Variants in MAPK8 observed in about 807,000 individuals in gnomAD.
MAPK8 encodes the protein JUN N-terminal kinase.
Under a neutral mutation model 52.9 loss-of-function variants are expected in MAPK8, and 13 were observed. The ratio of observed to expected loss-of-function variants is 0.25; its 90% CI spans 0.16 to 0.39. The LOEUF is 0.39. Ranked by LOEUF, MAPK8 falls within the 10% of genes least tolerant of loss-of-function variation. MAPK8 has a pLI of 1.00. For missense variants in MAPK8, 300 were observed against 519.2 expected (o/e 0.58, Z 4.10); for synonymous variants, 191 against 169.8 (o/e 1.12, Z -0.97).
At chr10:48,344,220 A>C (rs1482671077) in intron 1 of MAPK8, among the ~76,000 whole-genome samples, 1 of 152,246 alleles carries the variant, frequency 6.6e-6, no homozygotes, top group Non-Finnish European at 1.5e-5. Flanking sequence ...AAATTGTTAT[A>C]ATACAGTCCA....
In MAPK8 at chr10:48,438,652, T is replaced by C. The variant is rs1393995379; in HGVS notation, c.*3623T>C. 1 of 152,262 alleles carries C rather than the reference T, an allele frequency of 6.6e-6. No individual in the cohort carries two copies. The highest frequency in any genetic ancestry group is 2.4e-5 in the African/African-American group (1 of 41,478). The allele number at this position is 152,262 out of a possible 1,614,324, so 9.4% of individuals were successfully genotyped here. ...ACTACCTCACACTAATTTTCTATGCTTTCCCAAGTAAGCTGTTGCCCTGTT... is the reference window on the plus strand; with the variant it reads ...ACTACCTCACACTAATTTTCTATGCCTTCCCAAGTAAGCTGTTGCCCTGTT... On this transcript the variant is annotated 3_prime_UTR_variant, in exon 12 of 12. Transcript: ENST00000374189.
intron 1 of MAPK8, among the ~76,000 whole-genome samples, chr10:48,377,495 T>C (rs1008179880): frequency 6.6e-6 from 1 of 152,214 alleles, no homozygotes; most frequent in African/African-American, 2.4e-5. Context: ...CGGTAAGATG[T>C]GACTGTGGTG....
intron 1 of MAPK8, among the ~76,000 whole-genome samples, chr10:48,330,310 TTAAC>T (rs2132243031): frequency 6.6e-6 from 1 of 152,312 alleles, no homozygotes; most frequent in African/African-American, 2.4e-5. Flanking sequence ...GTTTTAAACT[TTAAC>T]TTAATAGGAA....
At chr10:48,356,418 C>T (rs1455748622) in intron 1 of MAPK8, among the ~76,000 whole-genome samples, 4 of 152,080 alleles carry the variant, frequency 2.6e-5, no homozygotes, top group African/African-American at 9.7e-5. Context: ...GAGAAAAACC[C>T]AGAAACACAT....
At chr10:48,423,442 C>T (rs1300798831) in intron 6 of MAPK8, among the ~76,000 whole-genome samples, 1 of 152,176 alleles carries the variant, frequency 6.6e-6, no homozygotes, top group Non-Finnish European at 1.5e-5. Flanking sequence ...ATTCTCTGTG[C>T]ACTTGTTCCT....
chr10:48,322,500 C>T (rs1258289925), intron 1 of MAPK8, among the ~76,000 whole-genome samples: 1 of 152,104 alleles, frequency 6.6e-6, no homozygotes, highest in African/African-American at 2.4e-5. Context: ...CATCTTAATC[C>T]AGTCAGAGAC....
intron 1 of MAPK8, among the ~76,000 whole-genome samples, chr10:48,326,432 C>A (rs1843530165): frequency 6.6e-6 from 1 of 152,112 alleles, no homozygotes; most frequent in African/African-American, 2.4e-5. Context: ...AGGATACTCC[C>A]AGCTCATCTT....
intron 5 of MAPK8, among the ~76,000 whole-genome samples, chr10:48,413,405 G>A (rs1456677573): frequency 6.6e-6 from 1 of 152,078 alleles, no homozygotes; most frequent in African/African-American, 2.4e-5. Context: ...ATTCCCACCA[G>A]TAGTGCAGAA....
chr10:48,437,903 T>C lies in MAPK8; in HGVS notation c.*2874T>C, dbSNP rs2044982149. The C allele has an allele frequency of 6.6e-6, 1 of 152,226 alleles. No individual in the cohort carries two copies. The highest frequency in any genetic ancestry group is 1.5e-5 in the Non-Finnish European group (1 of 68,046). 9.4% of individuals were successfully genotyped at this position (152,226 alleles called of 1,614,324 possible). A position where few individuals can be genotyped will look rare whatever the true frequency, so the allele number is the denominator to read the frequency against. On this transcript the variant is annotated 3_prime_UTR_variant, in exon 12 of 12. Transcript: ENST00000374189. ...GTTCTGTTCTATGCTAATCCTGCTG[T>C]GTTGTCTAAAAGATGGAGGGAAGAG...
intron 1 of MAPK8, among the ~76,000 whole-genome samples, chr10:48,383,393 TA>T (rs1204062128): frequency 6.6e-6 from 1 of 152,208 alleles, no homozygotes; most frequent in African/African-American, 2.4e-5. Flanking sequence ...AAAGGATCAG[TA>T]ACAAATGGGT....
chr10:48,404,633 T>A (rs1168542901), intron 2 of MAPK8, among the ~76,000 whole-genome samples: 1 of 152,170 alleles, frequency 6.6e-6, no homozygotes, highest in Non-Finnish European at 1.5e-5. Flanking sequence ...GTTGGCATAG[T>A]CCACTGTCTA....
chr10:48,401,618 G>T lies in MAPK8; in HGVS notation c.-43G>T, dbSNP rs200375054. On this transcript the variant is annotated 5_prime_UTR_variant, in exon 2 of 12. Transcript: ENST00000374189. Reference sequence around the variant, plus strand: ...GTTTTGTTGCATCTTGCAGCTTCTTGGTGAATTTTTGGATGAAGCCATTAA... The same window carrying T: ...GTTTTGTTGCATCTTGCAGCTTCTTTGTGAATTTTTGGATGAAGCCATTAA... 2.3e-5 allele frequency: 36 copies of T among 1,599,152 alleles called. No individual in the cohort carries two copies. The highest frequency in any genetic ancestry group is 2.9e-5 in the Non-Finnish European group (34 of 1,174,336).
intron 1 of MAPK8, among the ~76,000 whole-genome samples, chr10:48,315,329 A>G (rs989815125): frequency 8.5e-5 from 13 of 152,180 alleles, no homozygotes; most frequent in Non-Finnish European, 1.8e-4. Flanking sequence ...CACTTGTGCA[A>G]TCCCAGATCA....
intron 1 of MAPK8, among the ~76,000 whole-genome samples, chr10:48,316,315 G>T (rs545263088): frequency 1.3e-5 from 2 of 152,282 alleles, no homozygotes; most frequent in East Asian, 3.9e-4. Context: ...GTACAGGTTC[G>T]TAGCCTAGGG....
chr10:48,334,796 T>C (rs904301638), intron 1 of MAPK8, among the ~76,000 whole-genome samples: 3 of 152,096 alleles, frequency 2.0e-5, no homozygotes, highest in African/African-American at 7.2e-5. Context: ...AGTAAGACTT[T>C]TAGTGGCAGT....
At chr10:48,386,798 A>G (rs1012964907) in intron 1 of MAPK8, among the ~76,000 whole-genome samples, 4 of 152,196 alleles carry the variant, frequency 2.6e-5, no homozygotes, top group African/African-American at 9.6e-5. Context: ...CCTCATCTCC[A>G]TTGAAATATA....
chr10:48,429,750 A>C (rs2133296474), intron 10 of MAPK8: 1 of 152,362 alleles, frequency 6.6e-6, no homozygotes, highest in East Asian at 1.9e-4. Flanking sequence ...AAACAAACTT[A>C]TCTCCAGTTG....
intron 7 of MAPK8, 143 bp downstream of exon 7, chr10:48,424,302 G>A (rs2043540252): frequency 1.2e-6 from 1 of 809,942 alleles, no homozygotes; most frequent in Non-Finnish European, 1.9e-6. Context: ...AAAAATTGTT[G>A]AGATAAGAAG....
chr10:48,417,469 T>C (rs2043126113), intron 5 of MAPK8, among the ~76,000 whole-genome samples: 1 of 152,292 alleles, frequency 6.6e-6, no homozygotes, highest in Non-Finnish European at 1.5e-5. Flanking sequence ...ACCCAAGATA[T>C]CAGTGGCTTA....
Sources: gnomAD v4.1 joint callset for allele counts (sites outside exome capture counted in the v4.1 genomes callset) on GRCh38, gnomAD v4.1.1 for gene constraint, MANE v1.5 for transcripts, NCBI Gene and HGNC (gene_info 2026-07-23, HGNC 2026-07-21) for gene names.